The following WNK3 variants were observed in gnomAD, a reference collection of about 807,000 sequenced individuals.
WNK3 encodes the protein WNK lysine deficient protein kinase 3.
WNK3 carries 18 observed loss-of-function variants against 116.7 expected under a neutral mutation model. That is an observed-to-expected ratio of 0.15 (90% CI 0.11 to 0.23). The LOEUF (loss-of-function observed/expected upper bound fraction) is 0.23. WNK3 is among the 10% of genes least tolerant of loss of function. WNK3 has a pLI of 1.00. For synonymous variants in WNK3, 404 were observed against 469.4 expected (o/e 0.86, Z 1.80); for missense variants, 993 against 1,323.8 (o/e 0.75, Z 3.88).
intron 1 of WNK3, among the ~76,000 whole-genome samples, chrX:54,337,666 G>A (rs2147276896): frequency 9.1e-6 from 1 of 110,124 alleles, no homozygotes; most frequent in South Asian, 3.9e-4. Context: ...TGAGGCACAA[G>A]AATAGCTTGA....
At chrX:54,349,673 G>A (rs1214375936) in intron 1 of WNK3, among the ~76,000 whole-genome samples, 1 of 111,694 alleles carries the variant, frequency 9.0e-6, no homozygotes, top group Non-Finnish European at 1.9e-5. Flanking sequence ...AGAACAACAA[G>A]AACTTGCCTT....
chrX:54,293,532 A>G (rs1175620358), intron 8 of WNK3, among the ~76,000 whole-genome samples: 1 of 112,189 alleles, frequency 8.9e-6, no homozygotes, highest in Non-Finnish European at 1.9e-5. Context: ...ATTGTGGTAT[A>G]ACTAAAATTT....
intron 3 of WNK3, among the ~76,000 whole-genome samples, chrX:54,310,108 T>C (rs915631513): frequency 9.1e-6 from 1 of 109,448 alleles, no homozygotes; most frequent in Non-Finnish European, 1.9e-5. Context: ...TAAAAGACTA[T>C]AATTAATAGT....
intron 1 of WNK3, among the ~76,000 whole-genome samples, chrX:54,351,437 C>T (rs1557178508): frequency 9.1e-6 from 1 of 110,198 alleles, no homozygotes; most frequent in African/African-American, 3.3e-5. Flanking sequence ...TACTTTAATC[C>T]TTTAAAGAAG....
chrX:54,283,222 T>C (rs965103500), intron 10 of WNK3, among the ~76,000 whole-genome samples: 5 of 111,167 alleles, frequency 4.5e-5, no homozygotes, highest in African/African-American at 1.6e-4. Flanking sequence ...GGTGGGAGGA[T>C]TGCTTGAGAC....
chrX:54,314,990 A>G (rs918985182), intron 2 of WNK3, among the ~76,000 whole-genome samples: 19 of 110,564 alleles, frequency 1.7e-4, no homozygotes, highest in African/African-American at 6.2e-4. Context: ...CACATAGACA[A>G]CACATGTAGA....
chrX:54,293,628 T>C (rs1314772432), intron 8 of WNK3, among the ~76,000 whole-genome samples: 1 of 112,116 alleles, frequency 8.9e-6, no homozygotes, highest in Non-Finnish European at 1.9e-5. Context: ...CTAACTAATC[T>C]ACACTTGACA....
Position 54,198,558 on chromosome X carries a change from T to C in WNK3, c.5169A>G (p.Ser1723=), listed in dbSNP as rs782222803. 4 of 1,196,200 alleles carry C rather than the reference T, an allele frequency of 3.3e-6. No homozygotes were observed. The African/African-American group carries it at 7.5e-5, about 22-fold the overall frequency. The change falls in exon 24 of 24, where the codon TCA becomes TCG. Residue 1723 remains serine, a synonymous_variant. Transcript: ENST00000354646. ...ATAATGGCCCAGGAAATGAAGGGAG[T>C]GAGAGTCCTTGTGGCAAGGAAGTTG... is the stretch of plus-strand genomic sequence containing the variant.
At chrX:54,253,368 C>T (rs1386889970) in intron 13 of WNK3, among the ~76,000 whole-genome samples, 1 of 111,002 alleles carries the variant, frequency 9.0e-6, no homozygotes, top group Non-Finnish European at 1.9e-5. Flanking sequence ...TGGGCTCAAG[C>T]AATCCTCCTC....
At chrX:54,310,642 A>G (rs1209435271) in intron 3 of WNK3, among the ~76,000 whole-genome samples, 1 of 111,665 alleles carries the variant, frequency 9.0e-6, no homozygotes, top group Non-Finnish European at 1.9e-5. Context: ...CACAAACATT[A>G]ACTTCTCAGT....
chrX:54,273,080 T>C (rs913588461), intron 10 of WNK3, among the ~76,000 whole-genome samples: 1 of 111,857 alleles, frequency 8.9e-6, no homozygotes, highest in Admixed American at 9.6e-5. Context: ...ATGAAAACAA[T>C]ATCAACAAAA....
intron 10 of WNK3, among the ~76,000 whole-genome samples, chrX:54,266,965 T>TC (rs1557157861): frequency 9.0e-6 from 1 of 110,717 alleles, no homozygotes; most frequent in Non-Finnish European, 1.9e-5. Flanking sequence ...ATTGTTCAAC[T>TC]CCCACTTATG....
At position 54,255,948 on chromosome X, in the gene WNK3, C is replaced by T. The variant is rs975740067; in HGVS notation, c.2103-61G>A. ...CTTGACAGTAAAATTCTAAGAAAAA[C>T]TCCCAATTATAAAACTATAAATAAT... On this transcript the variant is annotated intron_variant, in intron 11 of 23. Coordinates refer to ENST00000354646, the Ensembl canonical transcript of WNK3. The T allele has an allele frequency of 5.2e-6, 5 of 965,287 alleles. No individual in the cohort carries two copies. The Admixed American group carries it at 9.0e-5, about 17-fold the overall frequency. The allele number at this position is 965,287 out of a possible 1,213,427, so 79.6% of individuals were successfully genotyped here.
At chrX:54,218,297 A>G (rs998947923) in intron 22 of WNK3, among the ~76,000 whole-genome samples, 2 of 111,232 alleles carry the variant, frequency 1.8e-5, no homozygotes, top group African/African-American at 6.5e-5. Flanking sequence ...TGATCTCCGC[A>G]TATACCAAGG....
chrX:54,239,108 G>GACAAAACAAAACAAA lies in WNK3; in HGVS notation c.3652-24_3652-10dup, dbSNP rs56183922. 2.6e-4 allele frequency: 226 copies of GACAAAACAAAACAAA among 862,696 alleles called. No homozygotes were observed. The highest frequency in any genetic ancestry group is 6.6e-4 in the East Asian group (18 of 27,402). The allele number at this position is 862,696 out of a possible 1,213,427, so 71.1% of individuals were successfully genotyped here. A position where few individuals can be genotyped will look rare whatever the true frequency, so the allele number is the denominator to read the frequency against. On this transcript the variant is annotated splice_polypyrimidine_tract_variant and intron_variant, in intron 17 of 23. Coordinates refer to ENST00000354646, the Ensembl canonical transcript of WNK3. ...GCATCTGAGGACATCTCCTAATGGA[G>GACAAAACAAAACAAA]ACAAAACAAAACAAAACAAAACAAA...
chrX:54,277,969 T>C (rs1396275785), intron 10 of WNK3, among the ~76,000 whole-genome samples: 2 of 109,343 alleles, frequency 1.8e-5, no homozygotes, highest in African/African-American at 6.7e-5. Context: ...GGCATGCACC[T>C]GTAGTCCCAG....
chrX:54,341,511 G>C (rs1557176375), intron 1 of WNK3, among the ~76,000 whole-genome samples: 2 of 111,021 alleles, frequency 1.8e-5, no homozygotes, highest in African/African-American at 6.5e-5. Context: ...CTTGAGCCCA[G>C]AAGTTCAAGG....
At chrX:54,216,210 T>C (rs1444689630) in intron 22 of WNK3, among the ~76,000 whole-genome samples, 2 of 109,110 alleles carry the variant, frequency 1.8e-5, no homozygotes, top group Non-Finnish European at 3.8e-5. Context: ...GTTTATCTGC[T>C]GACCTTCCCT....
At chrX:54,283,597 G>A (rs1369909904) in intron 10 of WNK3, among the ~76,000 whole-genome samples, 10 of 109,060 alleles carry the variant, frequency 9.2e-5, no homozygotes, top group Non-Finnish European at 1.5e-4. Flanking sequence ...GTGAAATCCC[G>A]TCTCTACTAA....
Sources: allele counts gnomAD v4.1 joint callset (sites outside exome capture counted in the v4.1 genomes callset), GRCh38; gene constraint gnomAD v4.1.1; transcripts MANE v1.5; gene names NCBI Gene and HGNC (gene_info 2026-07-23, HGNC 2026-07-21).